OSBPL6: variants seen among roughly 807,000 people sequenced by gnomAD.
OSBPL6 encodes oxysterol binding protein like 6, also known as oxysterol-binding protein-related protein 6.
A neutral mutation model predicts 125.8 loss-of-function variants in OSBPL6; 49 were observed. That is an observed-to-expected ratio of 0.39 (90% confidence interval 0.31 to 0.49). The LOEUF (loss-of-function observed/expected upper bound fraction) is 0.49. Among genes scored for constraint, OSBPL6 ranks in the 20% least tolerant of loss-of-function variants. OSBPL6 has a pLI of 0.88. For missense variants in OSBPL6, 986 were observed against 1,135.4 expected (o/e 0.87, Z 1.89); for synonymous variants, 394 against 391.8 (o/e 1.01, Z -0.07).
At chr2:178,273,337 C>T (rs1007413265) in intron 1 of OSBPL6, among the ~76,000 whole-genome samples, 2 of 152,006 alleles carry the variant, frequency 1.3e-5, no homozygotes, top group Non-Finnish European at 2.9e-5. Context: ...TCCTGTAGTC[C>T]CAACACTTTG....
intron 11 of OSBPL6, among the ~76,000 whole-genome samples, chr2:178,340,499 A>T (rs1323451399): frequency 6.6e-6 from 1 of 152,066 alleles, no homozygotes; most frequent in African/African-American, 2.4e-5. Flanking sequence ...TTAAAGTAAG[A>T]TCCTTTTATA....
intron 13 of OSBPL6, among the ~76,000 whole-genome samples, chr2:178,362,100 C>T (rs958512672): frequency 6.6e-6 from 1 of 152,002 alleles, no homozygotes; most frequent in South Asian, 2.1e-4. Context: ...TAAGGTAGCC[C>T]CTCATTTTAA....
At chr2:178,227,250 C>T (rs746778189) in intron 1 of OSBPL6, among the ~76,000 whole-genome samples, 2 of 152,118 alleles carry the variant, frequency 1.3e-5, no homozygotes, top group Non-Finnish European at 2.9e-5. Context: ...AAGTCACTGC[C>T]ATAAAGATGC....
chr2:178,247,390 T>A, intron 1 of OSBPL6, among the ~76,000 whole-genome samples: 1 of 152,176 alleles, frequency 6.6e-6, no homozygotes, highest in Non-Finnish European at 1.5e-5. Context: ...TTCTCTTTGC[T>A]TCATGGTTTC....
intron 3 of OSBPL6, among the ~76,000 whole-genome samples, chr2:178,322,003 T>G (rs1688285522): frequency 6.6e-6 from 1 of 152,218 alleles, no homozygotes; most frequent in Non-Finnish European, 1.5e-5. Flanking sequence ...GTGTGGTTGC[T>G]AACTAACCCT....
rs12477381 is a variant in OSBPL6 at position 178,206,326 on chromosome 2, G to A, written c.-351+11652G>A. Among the ~76,000 whole-genome samples, 4 of 152,350 alleles carry A rather than the reference G, an allele frequency of 2.6e-5. No individual in the cohort carries two copies. In the South Asian group the frequency reaches 8.3e-4, roughly 32 times the overall value. ...TGTGTGGTTAGGGATTATGAGGCAT[G>A]ACATAGCAATGAGACTGAGTTCACA... On this transcript the variant is annotated intron_variant, in intron 1 of 24. Transcript: ENST00000190611.
chr2:178,246,253 G>A (rs867611835), intron 1 of OSBPL6, among the ~76,000 whole-genome samples: 18 of 152,266 alleles, frequency 1.2e-4, no homozygotes, highest in Middle Eastern at 6.8e-3. Flanking sequence ...GCATCAGTAA[G>A]ATCACCAGGG....
At chr2:178,268,948 A>G (rs2092312219) in intron 1 of OSBPL6, among the ~76,000 whole-genome samples, 1 of 152,102 alleles carries the variant, frequency 6.6e-6, no homozygotes, top group Admixed American at 6.5e-5. Flanking sequence ...GATGGCCTCC[A>G]GTGCTTCCTG....
intron 1 of OSBPL6, among the ~76,000 whole-genome samples, chr2:178,245,906 A>C (rs2091471111): frequency 6.6e-6 from 1 of 152,196 alleles, no homozygotes; most frequent in African/African-American, 2.4e-5. Context: ...AATTCGGGGA[A>C]GGGAAAGGCT....
intron 24 of OSBPL6, among the ~76,000 whole-genome samples, chr2:178,394,804 A>G (rs934056232): frequency 5.3e-5 from 8 of 152,118 alleles, no homozygotes; most frequent in Non-Finnish European, 1.2e-4. Context: ...TTTTATTTCT[A>G]TCACACAAAG....
chr2:178,268,658 C>T (rs1425313766), intron 1 of OSBPL6, among the ~76,000 whole-genome samples: 4 of 152,122 alleles, frequency 2.6e-5, no homozygotes, highest in Non-Finnish European at 4.4e-5. Flanking sequence ...TGAAATTCAT[C>T]CATGTTGTTG....
intron 2 of OSBPL6, among the ~76,000 whole-genome samples, chr2:178,293,097 A>C (rs1463334413): frequency 1.3e-5 from 2 of 152,132 alleles, no homozygotes; most frequent in Non-Finnish European, 2.9e-5. Flanking sequence ...AACTGGAGGA[A>C]GTCTCGGGTA....
chr2:178,339,071 G>T lies in OSBPL6; in HGVS notation c.871G>T (p.Ala291Ser). Residue 291 changes from alanine to serine, a missense_variant, in exon 10 of 25, where the codon GCA becomes TCA. By Grantham distance (99) the Ala-to-Ser change is moderately conservative. Coordinates refer to ENST00000190611, the MANE Select transcript of OSBPL6 (RefSeq NM_032523.4). ...NLEILQRTQS[A>S]PNFTDMQANC... The stretch of plus-strand genomic sequence containing the variant: ...GGAAATACTTCAGAGAACTCAGTCG[G>T]CACCTAACTTTACTGACATGCAGGT... The T allele has an allele frequency of 6.2e-7, 1 of 1,609,088 alleles. No homozygotes were observed.
chr2:178,391,544 T>C (rs1392018701), intron 22 of OSBPL6, among the ~76,000 whole-genome samples: 1 of 152,176 alleles, frequency 6.6e-6, no homozygotes, highest in Non-Finnish European at 1.5e-5. Context: ...AATTGAAGTA[T>C]ACAAACTTAA....
At chr2:178,347,029 A>G (rs1690784679) in intron 11 of OSBPL6, among the ~76,000 whole-genome samples, 2 of 152,304 alleles carry the variant, frequency 1.3e-5, no homozygotes, top group South Asian at 2.1e-4. Context: ...TTAATAGCCA[A>G]TTTAAGTTTC....
intron 3 of OSBPL6, among the ~76,000 whole-genome samples, chr2:178,316,878 G>A (rs1014316265): frequency 6.6e-6 from 1 of 152,030 alleles, no homozygotes; most frequent in African/African-American, 2.4e-5. Context: ...GATACCAAGG[G>A]AGGACTGTAT....
intron 15 of OSBPL6, among the ~76,000 whole-genome samples, chr2:178,380,173 G>C (rs568777972): frequency 1.3e-5 from 2 of 152,102 alleles, no homozygotes; most frequent in African/African-American, 2.4e-5. Flanking sequence ...TTTTGGCCAG[G>C]TGCAATGGCT....
At chr2:178,365,881 A>G (rs767837110) in intron 13 of OSBPL6, among the ~76,000 whole-genome samples, 10 of 151,798 alleles carry the variant, frequency 6.6e-5, no homozygotes, top group Non-Finnish European at 1.3e-4. Flanking sequence ...CTATAATTTC[A>G]TATCTTTTTT....
intron 24 of OSBPL6, 139 bp from the exon 25 acceptor site, chr2:178,395,312 T>A: frequency 1.8e-6 from 1 of 554,238 alleles, no homozygotes; most frequent in Non-Finnish European, 3.2e-6. Context: ...AATAGTCACA[T>A]CATCAGTAGC....
Sources: gnomAD v4.1 joint callset for allele counts (sites outside exome capture counted in the v4.1 genomes callset) on GRCh38, gnomAD v4.1.1 for gene constraint, MANE v1.5 for transcripts, NCBI Gene and HGNC (gene_info 2026-07-23, HGNC 2026-07-21) for gene names.